ENPP6: variants seen among roughly 807,000 people sequenced by gnomAD.
ENPP6 encodes ectonucleotide pyrophosphatase/phosphodiesterase 6, also known as glycerophosphocholine cholinephosphodiesterase ENPP6.
ENPP6 carries 32 observed loss-of-function variants against 42.0 expected under a neutral mutation model. The ratio of observed to expected loss-of-function variants is 0.76; its 90% confidence interval spans 0.58 to 1.02. The LOEUF is 1.02. Among genes scored for constraint, ENPP6 ranks in the 50% least tolerant of loss-of-function variants. The probability of loss-of-function intolerance (pLI) is 0.00; values close to 1 mark genes in which losing one functional copy is unlikely to be tolerated. For synonymous variants in ENPP6, 213 were observed against 216.0 expected, an observed-to-expected ratio of 0.99 and a Z score of 0.12; for missense variants, 552 against 566.8, an observed-to-expected ratio of 0.97 and a Z score of 0.27.
chr4:184,093,076 A>G (rs1735835073), intron 7 of ENPP6, among the ~76,000 whole-genome samples: 1 of 152,176 alleles, frequency 6.6e-6, no homozygotes, highest in Admixed American at 6.5e-5. Flanking sequence ...GTTGAATCCA[A>G]TATAAAGAGG....
At chr4:184,168,081 A>G (rs1315563599) in intron 1 of ENPP6, among the ~76,000 whole-genome samples, 1 of 152,174 alleles carries the variant, frequency 6.6e-6, no homozygotes, top group East Asian at 1.9e-4. Flanking sequence ...AGGACCTGTG[A>G]AAACCATGTG....
intron 1 of ENPP6, among the ~76,000 whole-genome samples, chr4:184,164,227 T>C (rs6552759): frequency 0.01 from 1,529 of 152,340 alleles, 27 homozygotes; most frequent in African/African-American, 0.034. Context: ...CCGGGCTAGA[T>C]TGCAACGAGC....
chr4:184,128,382 T>C (rs557974336), intron 2 of ENPP6, among the ~76,000 whole-genome samples: 1 of 152,126 alleles, frequency 6.6e-6, no homozygotes, highest in African/African-American at 2.4e-5. Context: ...GGTTTCACCA[T>C]GATGGCCAGG....
At chr4:184,141,641 C>T (rs558765523) in intron 2 of ENPP6, among the ~76,000 whole-genome samples, 119 of 152,286 alleles carry the variant, frequency 7.8e-4, no homozygotes, top group African/African-American at 2.8e-3. Flanking sequence ...TGTCTAGAGT[C>T]TGCCTTCTTG....
chr4:184,147,601 A>G (rs1736949180), intron 2 of ENPP6, among the ~76,000 whole-genome samples: 1 of 152,000 alleles, frequency 6.6e-6, no homozygotes, highest in South Asian at 2.1e-4. Flanking sequence ...GCAACATAGT[A>G]AACCCCCGCC....
At chr4:184,103,059 G>A (rs544406192) in intron 6 of ENPP6, among the ~76,000 whole-genome samples, 6 of 152,306 alleles carry the variant, frequency 3.9e-5, no homozygotes, top group African/African-American at 9.6e-5. Flanking sequence ...CAAGCAACAC[G>A]GGCCTCCCTC....
Position 184,097,387 on chromosome 4 carries a change from G to T in ENPP6, c.994-19C>A, listed in dbSNP as rs1399810133. 3 of 1,613,664 alleles carry T rather than the reference G, an allele frequency of 1.9e-6. No individual in the cohort carries two copies. In the South Asian group the frequency reaches 3.3e-5, roughly 18 times the overall value. The stretch of plus-strand genomic sequence containing the variant: ...CTCGATTCTGAAACCAAGCAAGGCA[G>T]ACACATGACACTACGTCCTGACCGT... On this transcript the variant is annotated intron_variant, in intron 6 of 7. Coordinates refer to ENST00000296741, the MANE Select transcript of ENPP6 (RefSeq NM_153343.4).
intron 2 of ENPP6, among the ~76,000 whole-genome samples, chr4:184,141,766 A>C (rs1736827494): frequency 6.6e-6 from 1 of 152,092 alleles, no homozygotes; most frequent in African/African-American, 2.4e-5. Flanking sequence ...CTTTTGTGCA[A>C]AATAATAATA....
chr4:184,159,463 C>A (rs1258775077), intron 1 of ENPP6, among the ~76,000 whole-genome samples: 1 of 152,158 alleles, frequency 6.6e-6, no homozygotes, highest in African/African-American at 2.4e-5. Context: ...GATTGACCAA[C>A]AATCATGATG....
chr4:184,171,374 C>T (rs773915646), intron 1 of ENPP6, among the ~76,000 whole-genome samples: 2 of 152,192 alleles, frequency 1.3e-5, no homozygotes, highest in Admixed American at 6.5e-5. Context: ...TTGATTGTGA[C>T]CCAGATCCAG....
At chr4:184,113,928 T>TTTCTTTCTTTCTTTCTTTCC (rs1560981913) in intron 5 of ENPP6, among the ~76,000 whole-genome samples, 10 of 141,756 alleles carry the variant, frequency 7.1e-5, no homozygotes, top group Non-Finnish European at 1.6e-4. Context: ...TCTTTCTTTC[T>TTTCTTTCTTTCTTTCTTTCC]TTCTTTCTTT....
intron 6 of ENPP6, among the ~76,000 whole-genome samples, chr4:184,100,666 A>C (rs556523316): frequency 1.3e-4 from 20 of 152,282 alleles, no homozygotes; most frequent in African/African-American, 4.8e-4. Context: ...TGTGTGCTGG[A>C]GGGGGTGTCT....
chr4:184,097,527 G>A (rs921343322), intron 6 of ENPP6, among the ~76,000 whole-genome samples, 159 bp from the exon 7 acceptor site: 13 of 152,144 alleles, frequency 8.5e-5, no homozygotes, highest in African/African-American at 3.1e-4. Flanking sequence ...CCTGCTCCAG[G>A]CCGCTCAGAC....
At chr4:184,145,294 C>T (rs1452910780) in intron 2 of ENPP6, among the ~76,000 whole-genome samples, 1 of 152,222 alleles carries the variant, frequency 6.6e-6, no homozygotes, top group African/African-American at 2.4e-5. Context: ...CTGCTTCCCC[C>T]TTTCACCTCC....
chr4:184,200,946 C>A (rs1207919402), intron 1 of ENPP6, among the ~76,000 whole-genome samples: 2 of 152,170 alleles, frequency 1.3e-5, no homozygotes, highest in African/African-American at 4.8e-5. Flanking sequence ...TATCCTGGAC[C>A]AAAGTTCCAT....
chr4:184,173,805 T>G (rs576164214), intron 1 of ENPP6, among the ~76,000 whole-genome samples: 1 of 152,162 alleles, frequency 6.6e-6, no homozygotes, highest in Non-Finnish European at 1.5e-5. Flanking sequence ...ATGATTCTAG[T>G]GCATAAGGGC....
chr4:184,131,672 C>T (rs1736637735), intron 2 of ENPP6, among the ~76,000 whole-genome samples: 1 of 151,828 alleles, frequency 6.6e-6, no homozygotes, highest in Non-Finnish European at 1.5e-5. Flanking sequence ...CCTCTACCAG[C>T]ACTTTCTAAG....
At chr4:184,125,260 A>C (rs1282447799) in intron 2 of ENPP6, among the ~76,000 whole-genome samples, 1 of 152,140 alleles carries the variant, frequency 6.6e-6, no homozygotes, top group African/African-American at 2.4e-5. Context: ...TGTTGGGCTC[A>C]GTTTTGTAGA....
intron 1 of ENPP6, among the ~76,000 whole-genome samples, chr4:184,200,396 G>A (rs1210265693): frequency 6.6e-6 from 1 of 152,184 alleles, no homozygotes; most frequent in Admixed American, 6.5e-5. Context: ...GATCTGTGGT[G>A]CGTGGAGGCC....
Sources: gnomAD v4.1 joint callset for allele counts (sites outside exome capture counted in the v4.1 genomes callset) on GRCh38, gnomAD v4.1.1 for gene constraint, MANE v1.5 for transcripts, NCBI Gene and HGNC (gene_info 2026-07-23, HGNC 2026-07-21) for gene names.